The following LIMCH1 variants were observed in gnomAD, a reference collection of about 807,000 sequenced individuals.
The protein encoded by LIMCH1 is LIM and calponin homology domains-containing protein 1.
Under a neutral mutation model 176.5 loss-of-function variants are expected in LIMCH1, and 113 were observed. The observed-to-expected ratio is 0.64, with a 90% CI of 0.55 to 0.75. The LOEUF is 0.75. Among genes scored for constraint, LIMCH1 ranks in the 30% least tolerant of loss-of-function variants. The pLI is 0.00. For synonymous variants in LIMCH1, 619 were observed against 645.9 expected (o/e 0.96, Z 0.63); for missense variants, 1,674 against 1,814.9 (o/e 0.92, Z 1.41).
intron 1 of LIMCH1, among the ~76,000 whole-genome samples, chr4:41,384,013 A>G (rs1413641427): frequency 1.3e-5 from 2 of 152,172 alleles, no homozygotes; most frequent in Admixed American, 1.3e-4. Flanking sequence ...GAGGAACACA[A>G]TTGTCAAATG....
chr4:41,622,937 C>T (rs182407695), intron 7 of LIMCH1, among the ~76,000 whole-genome samples: 1 of 152,270 alleles, frequency 6.6e-6, no homozygotes, highest in East Asian at 1.9e-4. Context: ...AGCAACACAA[C>T]ACAGCTGCTC....
At chr4:41,657,342 A>T (rs2094492880) in intron 18 of LIMCH1, among the ~76,000 whole-genome samples, 1 of 152,332 alleles carries the variant, frequency 6.6e-6, no homozygotes, top group Admixed American at 6.5e-5. Context: ...CGCTGAGTGT[A>T]TCCCTGCCAA....
At chr4:41,444,779 T>A (rs1232537423) in intron 1 of LIMCH1, among the ~76,000 whole-genome samples, 1 of 152,202 alleles carries the variant, frequency 6.6e-6, no homozygotes, top group Non-Finnish European at 1.5e-5. Context: ...GCTCTTAGGA[T>A]AATCTCTTCT....
chr4:41,535,123 C>T (rs1478588865), upstream of LIMCH1, among the ~76,000 whole-genome samples: 1 of 139,270 alleles, frequency 7.2e-6, no homozygotes, highest in African/African-American at 2.7e-5. Context: ...GAATGTGCCA[C>T]TGGACTCCAG....
chr4:41,689,765 G>C, intron 30 of LIMCH1, 130 bp downstream of exon 30: 1 of 592,572 alleles, frequency 1.7e-6, no homozygotes, highest in South Asian at 2.1e-5. Flanking sequence ...AGGTTGTATA[G>C]ACATTCCTTC....
chr4:41,373,469 A>G (rs1317373177), intron 1 of LIMCH1, among the ~76,000 whole-genome samples: 1 of 152,184 alleles, frequency 6.6e-6, no homozygotes, highest in Non-Finnish European at 1.5e-5. Flanking sequence ...GTCTGGGAGG[A>G]CAGCAGTTGG....
At chr4:41,552,486 G>C (rs1000023) in intron 1 of LIMCH1, among the ~76,000 whole-genome samples, 44,445 of 151,810 alleles carry the variant, frequency 0.29, 9,502 homozygotes, top group African/African-American at 0.6. Context: ...ATGCCATCGC[G>C]TTACTTTGGA....
At chr4:41,644,799 G>A (rs1399569559) in intron 15 of LIMCH1, among the ~76,000 whole-genome samples, 173 bp downstream of exon 15, 1 of 152,146 alleles carries the variant, frequency 6.6e-6, no homozygotes, top group Non-Finnish European at 1.5e-5. Context: ...CAGCGTGAAG[G>A]TATGGAGTGA....
chr4:41,619,570 T>C, intron 6 of LIMCH1, 130 bp downstream of exon 6: 2 of 1,222,810 alleles, frequency 1.6e-6, no homozygotes, highest in Non-Finnish European at 2.3e-6. Flanking sequence ...TGGAGGTGGG[T>C]GGGACAGATC....
At chr4:41,525,837 ATC>A (rs1317480745) in intron 3 of LIMCH1, among the ~76,000 whole-genome samples, 1 of 152,168 alleles carries the variant, frequency 6.6e-6, no homozygotes, top group East Asian at 1.9e-4. Context: ...CCTGATGAAC[ATC>A]TGTTTGTCCC....
At chr4:41,562,787 G>A (rs2082227764) in intron 1 of LIMCH1, among the ~76,000 whole-genome samples, 1 of 152,082 alleles carries the variant, frequency 6.6e-6, no homozygotes, top group African/African-American at 2.4e-5. Flanking sequence ...AGGTATTTGG[G>A]TATCTGCACC....
At position 41,697,288 on chromosome 4, in the gene LIMCH1, C is replaced by T. The variant is rs1731400485; in HGVS notation, c.*103C>T. 22 of 1,027,054 alleles carry T rather than the reference C, an allele frequency of 2.1e-5. No homozygotes were observed. In the South Asian group the frequency reaches 2.7e-4, roughly 13 times the overall value. 63.6% of individuals were successfully genotyped at this position (1,027,054 alleles called of 1,614,324 possible). A position where few individuals can be genotyped will look rare whatever the true frequency, so the allele number is the denominator to read the frequency against. On this transcript the variant is annotated 3_prime_UTR_variant, in exon 32 of 32. Coordinates refer to ENST00000503057, the MANE Select transcript of LIMCH1 (RefSeq NM_001330672.2). ...AGCTCAGGGGCTTCTCAGCATTTAC[C>T]TAATTTCTGAAAGGCTCTTCTGAAA...
chr4:41,683,771 T>C, intron 26 of LIMCH1, among the ~76,000 whole-genome samples: 1 of 152,218 alleles, frequency 6.6e-6, no homozygotes, highest in East Asian at 1.9e-4. Context: ...TTAAACTCTT[T>C]AAAGGGACTT....
At chr4:41,671,460 G>T in intron 21 of LIMCH1, 94 bp from the exon 22 acceptor site, 1 of 910,596 alleles carries the variant, frequency 1.1e-6, no homozygotes. Flanking sequence ...TAAAGCTGAT[G>T]TAGGAACTAT....
At chr4:41,656,430 A>G (rs945078270) in intron 18 of LIMCH1, among the ~76,000 whole-genome samples, 1 of 152,258 alleles carries the variant, frequency 6.6e-6, no homozygotes, top group Non-Finnish European at 1.5e-5. Flanking sequence ...AGATAAAGAT[A>G]AAGATGCATT....
At chr4:41,505,206 A>C (rs1180808930) in intron 2 of LIMCH1, among the ~76,000 whole-genome samples, 1 of 152,216 alleles carries the variant, frequency 6.6e-6, no homozygotes, top group African/African-American at 2.4e-5. Context: ...AATACAGTCA[A>C]GCACTCAGCA....
Position 41,682,319 on chromosome 4 carries a change from G to T in LIMCH1, c.3718-14G>T. 1 of 1,599,200 alleles carries T rather than the reference G, an allele frequency of 6.3e-7. No individual in the cohort carries two copies. The highest frequency in any genetic ancestry group is 1.7e-5 in the Admixed American group (1 of 59,034). ...AAAATTTATACTTAAGATTTTCATTGTTTTTCTCCTTAGAATAAGATAGAC... is the reference window on the plus strand; with the variant it reads ...AAAATTTATACTTAAGATTTTCATTTTTTTTCTCCTTAGAATAAGATAGAC... On this transcript the variant is annotated splice_polypyrimidine_tract_variant and intron_variant, in intron 25 of 31. Transcript: ENST00000503057.
At chr4:41,449,928 C>A (rs191601255) in intron 1 of LIMCH1, among the ~76,000 whole-genome samples, 1 of 152,194 alleles carries the variant, frequency 6.6e-6, no homozygotes, top group Admixed American at 6.5e-5. Flanking sequence ...TTCAGGTTCA[C>A]CTGACATTCT....
At chr4:41,545,203 C>A (rs1201514690) in intron 1 of LIMCH1, among the ~76,000 whole-genome samples, 1 of 152,140 alleles carries the variant, frequency 6.6e-6, no homozygotes, top group Non-Finnish European at 1.5e-5. Flanking sequence ...TATTTTGATG[C>A]CTATCGCTCA....
Sources: allele counts gnomAD v4.1 joint callset (sites outside exome capture counted in the v4.1 genomes callset), GRCh38; gene constraint gnomAD v4.1.1; transcripts MANE v1.5; gene names NCBI Gene and HGNC (gene_info 2026-07-23, HGNC 2026-07-21).